The following RGL4 variants were observed in gnomAD, a reference collection of about 807,000 sequenced individuals.
The protein encoded by RGL4 is ral-GDS-related protein.
In RGL4, 41 loss-of-function variants were observed where a neutral mutation model predicts 49.6. The ratio of observed to expected loss-of-function variants is 0.83; its 90% confidence interval spans 0.64 to 1.07. The LOEUF (loss-of-function observed/expected upper bound fraction) is 1.07. Ranked by LOEUF, RGL4 falls within the 50% of genes least tolerant of loss-of-function variation. The pLI is 0.00. For missense variants in RGL4, 610 were observed against 591.9 expected (o/e 1.03, Z -0.32); for synonymous variants, 255 against 238.0 (o/e 1.07, Z -0.66).
At position 23,692,199 on chromosome 22, in the gene RGL4, G is replaced by A; in HGVS notation, c.169G>A (p.Asp57Asn). ...GQVCPFQDSTDGLRTITSILF... is the reference protein window; with the variant it reads ...GQVCPFQDSTNGLRTITSILF... ...GGTCTGCCCCTTCCAGGACAGCACT[G>A]ATGGCTTACGGTAGGGTGGGGCTGT... Residue 57 changes from aspartate to asparagine, a missense_variant, in exon 1 of 11, where the codon GAT (aspartate) becomes AAT (asparagine). Physicochemically the swap from Asp to Asn is conservative, Grantham distance 23. Coordinates refer to ENST00000290691, the MANE Select transcript of RGL4 (RefSeq NM_153615.2). 1.2e-6 allele frequency: 2 copies of A among 1,613,316 alleles called. No homozygotes were observed. The highest frequency in any genetic ancestry group is 1.1e-5 in the South Asian group (1 of 91,080).
rs111630446 is a variant in RGL4, at chr22:23,695,414, A to C, written c.1086+395A>C. On this transcript the variant is annotated intron_variant, in intron 6 of 10. Coordinates refer to ENST00000290691, the MANE Select transcript of RGL4 (RefSeq NM_153615.2). ...ACTTCCTTCCTTCCTCAAACCGGCC[A>C]GCAATTCCTCAGGAAGCCAGGCCTC... 423 of 545,008 alleles carry C rather than the reference A, an allele frequency of 7.8e-4. 1 individual carries two copies. The highest frequency in any genetic ancestry group is 7.7e-3 in the African/African-American group (387 of 50,350). The allele number at this position is 545,008 out of a possible 1,614,324, so 33.8% of individuals were successfully genotyped here.
chr22:23,695,075 G>A, intron 6 of RGL4, 56 bp downstream of exon 6: 1 of 1,311,664 alleles, frequency 7.6e-7, no homozygotes, highest in Middle Eastern at 1.8e-4. Context: ...AGAAAAGAGT[G>A]AGTTTGGAAG....
Position 23,694,756 on chromosome 22 carries a change from A to C in RGL4, c.1017-194A>C. 3 of 613,274 alleles carry C rather than the reference A, an allele frequency of 4.9e-6. No homozygotes were observed. In the Admixed American group the frequency reaches 8.5e-5, roughly 17 times the overall value. The allele number at this position is 613,274 out of a possible 1,614,324, so 38.0% of individuals were successfully genotyped here. ...TGTAAACACGCAGTGGCTCATGTGA[A>C]GTGGAGATGGGGCCCAGGGGAGGAG... On this transcript the variant is annotated intron_variant, in intron 5 of 10. Transcript: ENST00000290691.
At position 23,699,167 on chromosome 22, in the gene RGL4, T is replaced by C. The variant is rs115083001; in HGVS notation, c.*284T>C. 618 of 1,359,118 alleles carry C rather than the reference T, an allele frequency of 4.5e-4. 1 individual carries two copies. In the African/African-American group the frequency reaches 8.1e-3, roughly 18 times the overall value. The allele number at this position is 1,359,118 out of a possible 1,614,324, so 84.2% of individuals were successfully genotyped here. ...TCGTTAAAATAAAATTTTAAAAAACTATTCAAAATGTTCTGTAGTTGTTGG... is the reference window on the plus strand; with the variant it reads ...TCGTTAAAATAAAATTTTAAAAAACCATTCAAAATGTTCTGTAGTTGTTGG... On this transcript the variant is annotated 3_prime_UTR_variant, in exon 11 of 11. Transcript: ENST00000290691.
chr22:23,692,105 C>A lies in RGL4; in HGVS notation c.75C>A (p.Gly25=). ...SAQVYSAVLQ[G]LWEENVCGTP... is the part of the protein sequence containing the mutation. ...AGGTGTACAGTGCTGTGCTCCAGGG[C>A]CTTTGGGAAGAGAATGTCTGTGGGA... The change falls in exon 1 of 11, where the codon GGC becomes GGA. Residue 25 remains glycine (G), a synonymous_variant. Coordinates refer to ENST00000290691, the MANE Select transcript of RGL4 (RefSeq NM_153615.2). The A allele has an allele frequency of 6.2e-7, 1 of 1,614,124 alleles. No homozygotes were observed. The highest frequency in any genetic ancestry group is 1.1e-5 in the South Asian group (1 of 91,082).
chr22:23,691,584 T>C lies in RGL4; in HGVS notation c.-447T>C, dbSNP rs1923139741. 1 of 167,238 alleles carries C rather than the reference T, an allele frequency of 6.0e-6. No homozygotes were observed. The highest frequency in any genetic ancestry group is 1.3e-5 in the Non-Finnish European group (1 of 76,068). The allele number at this position is 167,238 out of a possible 1,614,324, so 10.4% of individuals were successfully genotyped here. On this transcript the variant is annotated 5_prime_UTR_variant, in exon 1 of 11. Transcript: ENST00000290691. The stretch of plus-strand genomic sequence containing the variant: ...GTAGACAGAATAAACAAGTCATATC[T>C]ACAGAATGTTACAGGTGAGACCCTC...
At chr22:23,694,293 T>C in intron 4 of RGL4, 54 bp from the exon 5 acceptor site, 1 of 1,339,546 alleles carries the variant, frequency 7.5e-7, no homozygotes, top group Admixed American at 1.7e-5. Context: ...GGGCTGAGGC[T>C]GTAGTGGGCC....
chr22:23,694,878 A>G, intron 5 of RGL4, 72 bp from the exon 6 acceptor site: 1 of 1,239,090 alleles, frequency 8.1e-7, no homozygotes. Context: ...GGGTTTTCAA[A>G]CAAAAGGGAC....
At chr22:23,696,770 C>A in intron 7 of RGL4, 82 bp downstream of exon 7, 1 of 1,262,336 alleles carries the variant, frequency 7.9e-7, no homozygotes. Flanking sequence ...GCCTCCATAT[C>A]AAGACAGCGG....
Position 23,692,456 on chromosome 22 carries a change from G to T in RGL4, c.301G>T (p.Gly101Cys). ...AFRNLSWPGLGLEDHQEIVLG... is the reference protein window; with the variant it reads ...AFRNLSWPGLCLEDHQEIVLG... Reference sequence around the variant, plus strand: ...CAGGAACCTCTCCTGGCCTGGACTGGGCTTGGAGGACCATCAGGAAATTGT... The same window carrying T: ...CAGGAACCTCTCCTGGCCTGGACTGTGCTTGGAGGACCATCAGGAAATTGT... The change falls in exon 2 of 11, where the codon GGC becomes TGC. Residue 101 changes from glycine (G) to cysteine (C), a missense_variant. Gly to Cys is a radical substitution (Grantham distance 159, BLOSUM62 -3). Coordinates refer to ENST00000290691, the MANE Select transcript of RGL4 (RefSeq NM_153615.2). 6.2e-7 allele frequency: 1 copy of T among 1,614,204 alleles called. No homozygotes were observed. Among genetic ancestry groups the T allele is most frequent in the Non-Finnish European group, 8.5e-7 (1 of 1,180,038 alleles).
chr22:23,699,072 T>A lies in RGL4; in HGVS notation c.*189T>A. 6.5e-7 allele frequency: 1 copy of A among 1,542,888 alleles called. No homozygotes were observed. The highest frequency in any genetic ancestry group is 8.7e-7 in the Non-Finnish European group (1 of 1,146,276). On this transcript the variant is annotated 3_prime_UTR_variant, in exon 11 of 11. Transcript: ENST00000290691. ...GGCCAGGATCAGGCCATGGGACTTT[T>A]GTGAGTCAGGCGGGAGACCATTTTA...
In RGL4 at chr22:23,691,179, T is replaced by C. The variant is rs1923116271; in HGVS notation, c.-852T>C. On this transcript the variant is annotated 5_prime_UTR_variant, in exon 1 of 11. Transcript: ENST00000290691. ...CTGGGGGTGCTGTGATTCATGTTTG[T>C]TACTTTTCTCTTCCCCCTCACTTGA... is the stretch of plus-strand genomic sequence containing the variant. 1 of 152,252 alleles carries C rather than the reference T, an allele frequency of 6.6e-6. No individual in the cohort carries two copies. Among genetic ancestry groups the C allele is most frequent in the Non-Finnish European group, 1.5e-5 (1 of 68,060 alleles). The allele number at this position is 152,252 out of a possible 1,614,324, so 9.4% of individuals were successfully genotyped here.
intron 5 of RGL4, 93 bp downstream of exon 5, chr22:23,694,543 G>A: frequency 1.2e-6 from 1 of 865,552 alleles, no homozygotes; most frequent in South Asian, 1.4e-5. Flanking sequence ...AAAGGTTCTT[G>A]GAGTCCAGGG....
chr22:23,696,623 T>G lies in RGL4; in HGVS notation c.1096T>G (p.Phe366Val). 1 of 1,613,648 alleles carries G rather than the reference T, an allele frequency of 6.2e-7. No homozygotes were observed. The highest frequency in any genetic ancestry group is 1.1e-5 in the South Asian group (1 of 91,062). The change falls in exon 7 of 11, where the codon TTT becomes GTT. Residue 366 changes from phenylalanine to valine, a missense_variant. Transcript: ENST00000290691. Reference protein sequence around the residue: ...KRDLLIKAGSFKVATQERNPQ... With the variant: ...KRDLLIKAGSVKVATQERNPQ... ...CGCTGACACCTGGCAGGCGGGGAGC[T>G]TTAAGGTGGCCACCCAGGAGAGGAA... is the stretch of plus-strand genomic sequence containing the variant.
chr22:23,692,328 T>A lies in RGL4; in HGVS notation c.180-7T>A, dbSNP rs1442231920. Reference sequence around the variant, plus strand: ...GCCTCTGACTCAGCTGTCTACTCCATCACCAGCACCATCACCTCCATTTTG... The same window carrying A: ...GCCTCTGACTCAGCTGTCTACTCCAACACCAGCACCATCACCTCCATTTTG... On this transcript the variant is annotated splice_polypyrimidine_tract_variant and splice_region_variant and intron_variant, in intron 1 of 10. Coordinates refer to ENST00000290691, the MANE Select transcript of RGL4 (RefSeq NM_153615.2). The A allele has an allele frequency of 1.2e-6, 2 of 1,613,772 alleles. No individual in the cohort carries two copies.
At chr22:23,695,438 TCTGCTGCTGCTGCTGCTGCTGCTGCTG>T (rs60344348) in intron 6 of RGL4, 1 of 481,804 alleles carries the variant, frequency 2.1e-6, no homozygotes, top group African/African-American at 2.1e-5. Context: ...AAGCCAGGCC[TCTGCTGCTGCTGCTGCTGCTGCTGCTG>T]CTGCTGCTGC....
Position 23,697,178 on chromosome 22 carries a change from TC to T in RGL4, c.1173del (p.Phe392SerfsTer6), listed in dbSNP as rs1230242562. The T allele has an allele frequency of 3.7e-6, 6 of 1,612,792 alleles. No homozygotes were observed. Among genetic ancestry groups the T allele is most frequent in the Non-Finnish European group, 5.1e-6 (6 of 1,179,282 alleles). On this transcript the variant is annotated frameshift_variant, in exon 8 of 11. Transcript: ENST00000290691. LOFTEE classifies it high-confidence loss of function. ...MRLRRQKKGV[V>X]PFLGDFLTEL... ...CACCCCTCCTTGGCACAGGGTGTGG[TC>T]CCCTTCCTGGGGGATTTTCTGACTG...
rs765068720 is a variant in RGL4 at position 23,699,058 on chromosome 22, G to A, written c.*175G>A. Reference sequence around the variant, plus strand: ...CAACTGCTCCTGCTGGCCAGGATCAGGCCATGGGACTTTTGTGAGTCAGGC... The same window carrying A: ...CAACTGCTCCTGCTGGCCAGGATCAAGCCATGGGACTTTTGTGAGTCAGGC... On this transcript the variant is annotated 3_prime_UTR_variant, in exon 11 of 11. Coordinates refer to ENST00000290691, the MANE Select transcript of RGL4 (RefSeq NM_153615.2). The A allele has an allele frequency of 3.2e-5, 50 of 1,544,692 alleles. No homozygotes were observed. The highest frequency in any genetic ancestry group is 4.4e-5 in the Non-Finnish European group (50 of 1,146,512).
intron 3 of RGL4, 112 bp downstream of exon 3, chr22:23,693,103 A>C: frequency 6.9e-7 from 1 of 1,439,182 alleles, no homozygotes; most frequent in Non-Finnish European, 9.1e-7. Flanking sequence ...CTTCTTACCA[A>C]CCGTGGGATC....
Sources: allele counts gnomAD v4.1 joint callset, GRCh38; gene constraint gnomAD v4.1.1; transcripts MANE v1.5; gene names NCBI Gene and HGNC (gene_info 2026-07-23, HGNC 2026-07-21).